The following KCNJ16 variants were observed in gnomAD, a reference collection of about 807,000 sequenced individuals.
The protein encoded by KCNJ16 is potassium inwardly rectifying channel subfamily J member 16.
KCNJ16 carries 15 observed loss-of-function variants against 18.5 expected under a neutral mutation model. The ratio of observed to expected loss-of-function variants is 0.81; its 90% CI spans 0.54 to 1.25. The LOEUF is 1.25. Ranked by LOEUF, KCNJ16 falls within the 50% of genes most tolerant of loss-of-function variation. The probability of loss-of-function intolerance (pLI) is 0.00; values close to 1 mark genes in which losing one functional copy is unlikely to be tolerated. For missense variants in KCNJ16, 523 were observed against 525.7 expected, an observed-to-expected ratio of 0.99 and a Z score of 0.05; for synonymous variants, 174 against 186.5, an observed-to-expected ratio of 0.93 and a Z score of 0.55.
At chr17:70,119,153 C>T (rs2073532757) in intron 2 of KCNJ16, among the ~76,000 whole-genome samples, 1 of 152,226 alleles carries the variant, frequency 6.6e-6, no homozygotes. Flanking sequence ...TGGCCCACAT[C>T]CAGAGCACGC....
chr17:70,083,335 A>G (rs1368085468), intron 1 of KCNJ16, among the ~76,000 whole-genome samples: 1 of 138,366 alleles, frequency 7.2e-6, no homozygotes, highest in Non-Finnish European at 1.5e-5. Flanking sequence ...ATAGACAGTT[A>G]TGATCAACCT....
intron 2 of KCNJ16, among the ~76,000 whole-genome samples, chr17:70,129,366 A>G (rs2073978090): frequency 6.6e-6 from 1 of 152,210 alleles, no homozygotes; most frequent in Non-Finnish European, 1.5e-5. Context: ...AACAGTTGGG[A>G]AAAAGCTCAA....
At chr17:70,104,442 A>T (rs1195679421) in intron 2 of KCNJ16, among the ~76,000 whole-genome samples, 1 of 152,202 alleles carries the variant, frequency 6.6e-6, no homozygotes, top group East Asian at 1.9e-4. Context: ...TGAAACCCAA[A>T]TGAAATGATG....
chr17:70,123,091 C>T (rs2073711547), intron 2 of KCNJ16, among the ~76,000 whole-genome samples: 1 of 152,094 alleles, frequency 6.6e-6, no homozygotes, highest in African/African-American at 2.4e-5. Context: ...CATGCAATGC[C>T]CTTGGTTCAG....
chr17:70,126,021 G>T (rs2073843312), intron 2 of KCNJ16, among the ~76,000 whole-genome samples: 1 of 152,072 alleles, frequency 6.6e-6, no homozygotes, highest in South Asian at 2.1e-4. Context: ...AAAGCAAGAG[G>T]AGGAACATGC....
In KCNJ16 at chr17:70,132,044, T is replaced by C. The variant is rs1184092276; in HGVS notation, c.-44T>C. On this transcript the variant is annotated 5_prime_UTR_variant, in exon 4 of 4. Coordinates refer to ENST00000392671, the MANE Select transcript of KCNJ16 (RefSeq NM_170741.4). ...GAAATAGCAACAAGTCTAGAATTCT[T>C]ACTACTACAAAACTCACCTGGATCC... is the stretch of plus-strand genomic sequence containing the variant. 1.2e-6 allele frequency: 2 copies of C among 1,612,636 alleles called. No homozygotes were observed. Among genetic ancestry groups the C allele is most frequent in the Non-Finnish European group, 1.7e-6 (2 of 1,179,662 alleles).
intron 1 of KCNJ16, among the ~76,000 whole-genome samples, chr17:70,084,590 C>T (rs1231423870): frequency 2.0e-5 from 3 of 152,114 alleles, no homozygotes; most frequent in African/African-American, 4.8e-5. Flanking sequence ...AGTTTGAATT[C>T]TGTAAGATTC....
intron 1 of KCNJ16, among the ~76,000 whole-genome samples, chr17:70,079,810 C>A (rs2071476327): frequency 6.6e-6 from 1 of 152,190 alleles, no homozygotes. Flanking sequence ...TCAAGCAATT[C>A]TCTTGCCTCC....
intron 3 of KCNJ16, chr17:70,131,465 G>A (rs2074056064): frequency 1.0e-6 from 1 of 998,788 alleles, no homozygotes; most frequent in Non-Finnish European, 1.2e-6. Context: ...GAGAGAGCAA[G>A]CACCAGGTGC....
chr17:70,127,982 T>A (rs2144237991), intron 2 of KCNJ16: 1 of 152,276 alleles, frequency 6.6e-6, no homozygotes, highest in African/African-American at 2.4e-5. Flanking sequence ...AGAGGAAAGA[T>A]CCAGTTTTAT....
chr17:70,101,845 T>A (rs1257711626), intron 2 of KCNJ16: 2 of 152,230 alleles, frequency 1.3e-5, no homozygotes, highest in Non-Finnish European at 1.5e-5. Flanking sequence ...AGTGAACAAG[T>A]AATTTAGAAT....
chr17:70,115,220 G>A (rs554986217), intron 2 of KCNJ16, among the ~76,000 whole-genome samples: 1 of 152,222 alleles, frequency 6.6e-6, no homozygotes, highest in South Asian at 2.1e-4. Flanking sequence ...AGTGCAAGAT[G>A]TTCTCTTAGA....
In KCNJ16 at chr17:70,132,676, C is replaced by T; in HGVS notation, c.589C>T (p.Leu197Phe). 2 of 1,614,206 alleles carry T rather than the reference C, an allele frequency of 1.2e-6. No individual in the cohort carries two copies. The highest frequency in any genetic ancestry group is 1.7e-6 in the Non-Finnish European group (2 of 1,180,046). The part of the protein sequence containing the change: ...FALIGMRDGK[L>F]CLMWRIGDFR... ...ACTTATAGGTATGAGAGATGGGAAG[C>T]TTTGCCTCATGTGGCGCATTGGTGA... is the stretch of plus-strand genomic sequence containing the variant. The change falls in exon 4 of 4, where the codon CTT becomes TTT. Residue 197 changes from leucine to phenylalanine, a missense_variant. Leu to Phe is a conservative substitution (Grantham distance 22). Transcript: ENST00000392671.
rs34903097 is a variant in KCNJ16, at chr17:70,135,007, CT to C, written c.*1679del. 0.024 allele frequency: 3,240 copies of C among 136,884 alleles called. 23 individuals are homozygous for C. Among genetic ancestry groups the C allele is most frequent in the Middle Eastern group, 0.034 (9 of 264 alleles). 8.5% of individuals were successfully genotyped at this position (136,884 alleles called of 1,614,324 possible). ...ATCCTTCCCTTTCTCCTTCTTTTCC[CT>C]TTTTTTTTTTTTTTTGACCTGGGAG... is the stretch of plus-strand genomic sequence containing the variant. On this transcript the variant is annotated 3_prime_UTR_variant, in exon 4 of 4. Coordinates refer to ENST00000392671, the MANE Select transcript of KCNJ16 (RefSeq NM_170741.4).
chr17:70,082,274 A>C (rs1393604334), intron 1 of KCNJ16, among the ~76,000 whole-genome samples: 1 of 152,246 alleles, frequency 6.6e-6, no homozygotes, highest in Non-Finnish European at 1.5e-5. Context: ...GAAATGTGAG[A>C]AGTTCAGTGT....
chr17:70,081,612 T>A (rs2071555790), intron 1 of KCNJ16, among the ~76,000 whole-genome samples: 1 of 152,122 alleles, frequency 6.6e-6, no homozygotes. Context: ...CACTATTGTG[T>A]CAGCTCATCC....
chr17:70,130,954 T>C lies in KCNJ16; in HGVS notation c.-115T>C. The stretch of plus-strand genomic sequence containing the variant: ...TGAGCTGGGAAATCCTTTGGCCTAT[T>C]ATACCATGGATGCTAAAAATGGTAA... On this transcript the variant is annotated 5_prime_UTR_variant, in exon 3 of 4. Coordinates refer to ENST00000392671, the MANE Select transcript of KCNJ16 (RefSeq NM_170741.4). 6.5e-7 allele frequency: 1 copy of C among 1,535,344 alleles called. No individual in the cohort carries two copies. The highest frequency in any genetic ancestry group is 1.2e-5 in the South Asian group (1 of 84,040).
chr17:70,094,621 G>A (rs1307048504), intron 1 of KCNJ16, among the ~76,000 whole-genome samples: 2 of 41,838 alleles, frequency 4.8e-5, no homozygotes, highest in Middle Eastern at 8.9e-3. Flanking sequence ...GGTGAAAGGT[G>A]GGGGGAATAA....
At chr17:70,090,796 G>A (rs1457501961) in intron 1 of KCNJ16, among the ~76,000 whole-genome samples, 1 of 150,844 alleles carries the variant, frequency 6.6e-6, no homozygotes, top group Non-Finnish European at 1.5e-5. Flanking sequence ...TCACAATACC[G>A]CTAACCCACT....
Sources: gnomAD v4.1 joint callset for allele counts (sites outside exome capture counted in the v4.1 genomes callset) on GRCh38, gnomAD v4.1.1 for gene constraint, MANE v1.5 for transcripts, NCBI Gene and HGNC (gene_info 2026-07-23, HGNC 2026-07-21) for gene names.